The following SPAG16 variants were observed in gnomAD, a reference collection of about 807,000 sequenced individuals.
SPAG16 encodes the protein sperm-associated antigen 16 protein.
A neutral mutation model predicts 80.4 loss-of-function variants in SPAG16; 86 were observed. The ratio of observed to expected loss-of-function variants is 1.07; its 90% CI spans 0.90 to 1.28. SPAG16 has a LOEUF of 1.28. Ranked by LOEUF, SPAG16 falls within the 50% of genes most tolerant of loss-of-function variation. SPAG16 has a pLI of 0.00. For missense variants in SPAG16, 870 were observed against 765.3 expected, an observed-to-expected ratio of 1.14 and a Z score of -1.61; for synonymous variants, 294 against 265.9, an observed-to-expected ratio of 1.11 and a Z score of -1.03.
At chr2:214,163,064 G>C (rs966649591) in intron 15 of SPAG16, among the ~76,000 whole-genome samples, 1 of 151,966 alleles carries the variant, frequency 6.6e-6, no homozygotes, top group Admixed American at 6.6e-5. Flanking sequence ...TTTCTGACAT[G>C]CATATATTAA....
chr2:213,362,597 C>T (rs1365986141), intron 7 of SPAG16, among the ~76,000 whole-genome samples: 1 of 152,186 alleles, frequency 6.6e-6, no homozygotes, highest in Non-Finnish European at 1.5e-5. Context: ...AATAATGGCA[C>T]TCCCCTGTGA....
intron 15 of SPAG16, among the ~76,000 whole-genome samples, chr2:214,369,894 C>A (rs980979931): frequency 3.9e-5 from 6 of 151,992 alleles, no homozygotes; most frequent in Admixed American, 1.3e-4. Context: ...GGATCATGTC[C>A]CCACTCAACT....
chr2:213,441,534 G>A (rs113147331), intron 9 of SPAG16, among the ~76,000 whole-genome samples: 3,004 of 152,256 alleles, frequency 0.02, 42 homozygotes, highest in Middle Eastern at 0.051. Flanking sequence ...TATCAGTAAT[G>A]TTCTATTTTT....
chr2:213,599,745 A>G (rs2060999020), intron 10 of SPAG16, among the ~76,000 whole-genome samples: 1 of 152,152 alleles, frequency 6.6e-6, no homozygotes, highest in South Asian at 2.1e-4. Flanking sequence ...TCTGTCACCC[A>G]TACTAGAGTG....
At chr2:214,066,803 A>T (rs771621389) in intron 13 of SPAG16, among the ~76,000 whole-genome samples, 1 of 152,216 alleles carries the variant, frequency 6.6e-6, no homozygotes, top group Non-Finnish European at 1.5e-5. Flanking sequence ...ATATAGATGG[A>T]TGTTTTACTG....
chr2:213,543,629 T>G (rs757304911), intron 10 of SPAG16, among the ~76,000 whole-genome samples: 1 of 152,024 alleles, frequency 6.6e-6, no homozygotes, highest in African/African-American at 2.4e-5. Flanking sequence ...TTGGTAATTT[T>G]CCGAGATCTC....
intron 15 of SPAG16, among the ~76,000 whole-genome samples, chr2:214,213,378 A>G (rs745600672): frequency 6.6e-6 from 1 of 152,136 alleles, no homozygotes; most frequent in Non-Finnish European, 1.5e-5. Context: ...AACTCCATAC[A>G]CATTGAGCAC....
intron 10 of SPAG16, among the ~76,000 whole-genome samples, chr2:213,525,821 C>A (rs919747432): frequency 5.9e-5 from 9 of 151,984 alleles, no homozygotes; most frequent in African/African-American, 2.2e-4. Context: ...TATAATAGAT[C>A]TACCAGGGTA....
intron 10 of SPAG16, among the ~76,000 whole-genome samples, chr2:213,580,582 A>G (rs1338935778): frequency 6.6e-6 from 1 of 152,098 alleles, no homozygotes; most frequent in Admixed American, 6.6e-5. Flanking sequence ...TCACAACCCC[A>G]ACAACAATGG....
At chr2:213,643,348 T>TTA (rs61608932) in intron 10 of SPAG16, among the ~76,000 whole-genome samples, 17 of 39,092 alleles carry the variant, frequency 4.3e-4, no homozygotes, top group Non-Finnish European at 6.1e-4. Flanking sequence ...GATCTTAATT[T>TTA]TATATATATA....
At chr2:213,724,193 C>T (rs762401888) in intron 10 of SPAG16, among the ~76,000 whole-genome samples, 3 of 151,830 alleles carry the variant, frequency 2.0e-5, no homozygotes, top group Non-Finnish European at 4.4e-5. Context: ...CTCACTGGGA[C>T]GTTATAGAAG....
intron 5 of SPAG16, among the ~76,000 whole-genome samples, chr2:213,322,542 T>C (rs756958007): frequency 6.6e-6 from 1 of 152,124 alleles, no homozygotes; most frequent in Non-Finnish European, 1.5e-5. Flanking sequence ...TATCTTCCCT[T>C]AGCATCTGTG....
intron 15 of SPAG16, among the ~76,000 whole-genome samples, chr2:214,271,161 A>G (rs979554951): frequency 6.6e-6 from 1 of 152,190 alleles, no homozygotes; most frequent in Non-Finnish European, 1.5e-5. Context: ...TAGTTAGTAT[A>G]CATGTTGTAA....
intron 10 of SPAG16, among the ~76,000 whole-genome samples, chr2:213,727,931 C>T (rs2066846191): frequency 6.6e-6 from 1 of 152,036 alleles, no homozygotes; most frequent in African/African-American, 2.4e-5. Flanking sequence ...TCACTGCAAC[C>T]TCCGTCTCCT....
intron 15 of SPAG16, among the ~76,000 whole-genome samples, chr2:214,255,852 C>T (rs918520115): frequency 1.3e-4 from 20 of 151,932 alleles, no homozygotes; most frequent in Non-Finnish European, 1.0e-4. Flanking sequence ...GGTTTGTTTA[C>T]GAATTACGCT....
At chr2:213,371,057 C>G (rs1423119259) in intron 8 of SPAG16, among the ~76,000 whole-genome samples, 5 of 152,104 alleles carry the variant, frequency 3.3e-5, no homozygotes, top group Admixed American at 1.3e-4. Context: ...TGTCTGTGGT[C>G]CCTTAGACTC....
At chr2:213,614,683 A>AGT (rs1425882245) in intron 10 of SPAG16, among the ~76,000 whole-genome samples, 2 of 152,212 alleles carry the variant, frequency 1.3e-5, no homozygotes, top group Admixed American at 1.3e-4. Context: ...TTGTATCTTA[A>AGT]GTGTGATTAA....
intron 5 of SPAG16, among the ~76,000 whole-genome samples, chr2:213,328,998 T>C (rs1297779408): frequency 6.6e-6 from 1 of 151,924 alleles, no homozygotes; most frequent in Non-Finnish European, 1.5e-5. Context: ...CAAGCTCTCC[T>C]TTTTTTTGCC....
intron 10 of SPAG16, among the ~76,000 whole-genome samples, chr2:213,566,283 C>T (rs1254223078): frequency 2.6e-5 from 4 of 152,010 alleles, no homozygotes; most frequent in Non-Finnish European, 5.9e-5. Context: ...TGCAAAGCCT[C>T]TTAGAATCAG....
Sources: allele counts gnomAD v4.1 joint callset (sites outside exome capture counted in the v4.1 genomes callset), GRCh38; gene constraint gnomAD v4.1.1; transcripts MANE v1.5; gene names NCBI Gene and HGNC (gene_info 2026-07-23, HGNC 2026-07-21).